SERPINE2: variants seen among roughly 807,000 people sequenced by gnomAD.
The protein encoded by SERPINE2 is serpin family E member 2, also known as glia-derived nexin.
SERPINE2 carries 14 observed loss-of-function variants against 36.3 expected under a neutral mutation model. The ratio of observed to expected loss-of-function variants is 0.39; its 90% confidence interval spans 0.25 to 0.60. The LOEUF (loss-of-function observed/expected upper bound fraction) is 0.60. SERPINE2 is among the 20% of genes least tolerant of loss of function. The pLI is 0.57. For missense variants in SERPINE2, 418 were observed against 499.6 expected (o/e 0.84, Z 1.56); for synonymous variants, 192 against 191.8 (o/e 1.00, Z -0.01).
chr2:224,029,994 T>A, intron 1 of SERPINE2: 1 of 919,094 alleles, frequency 1.1e-6, no homozygotes, highest in African/African-American at 1.8e-5. Context: ...AGCATAGACA[T>A]GTCTGGCCCT....
chr2:224,022,641 T>C (rs182423626), intron 1 of SERPINE2, among the ~76,000 whole-genome samples: 1 of 152,308 alleles, frequency 6.6e-6, no homozygotes, highest in African/African-American at 2.4e-5. Flanking sequence ...CTAAACCTCT[T>C]GTGCTAACTG....
rs577145766 is a variant in SERPINE2 at position 223,995,318 on chromosome 2, G to A, written c.487+2797C>T. ...CCAGACACAAACAGTTGAGCTCCAA[G>A]TCACTTCTGAGCTCTACCATGTGGT... On this transcript the variant is annotated intron_variant, in intron 3 of 8. Transcript: ENST00000409304. Among the ~76,000 whole-genome samples the A allele has an allele frequency of 7.9e-5, 12 of 152,356 alleles. No homozygotes were observed. In the East Asian group the frequency reaches 2.3e-3, roughly 29 times the overall value.
chr2:224,036,089 T>C (rs76898283), intron 1 of SERPINE2, among the ~76,000 whole-genome samples: 2 of 152,200 alleles, frequency 1.3e-5, no homozygotes, highest in Non-Finnish European at 2.9e-5. Context: ...GGTGTTTTTT[T>C]GGCCTAAAGG....
intron 5 of SERPINE2, among the ~76,000 whole-genome samples, chr2:223,984,413 T>C (rs527670104): frequency 6.6e-6 from 1 of 152,318 alleles, no homozygotes; most frequent in East Asian, 1.9e-4. Flanking sequence ...CTTTCATCCA[T>C]ACTATGATGA....
chr2:224,023,767 T>C (rs887320918), intron 1 of SERPINE2, among the ~76,000 whole-genome samples: 12 of 152,238 alleles, frequency 7.9e-5, no homozygotes, highest in African/African-American at 2.4e-4. Flanking sequence ...CTTTGAGATA[T>C]GTTTTGGCAC....
chr2:223,998,593 T>C (rs1234130752), intron 2 of SERPINE2, among the ~76,000 whole-genome samples: 1 of 151,900 alleles, frequency 6.6e-6, no homozygotes, highest in Non-Finnish European at 1.5e-5. Flanking sequence ...GGCACGCCTG[T>C]GATACCAACT....
intron 1 of SERPINE2, among the ~76,000 whole-genome samples, chr2:224,017,414 A>C (rs1192840471): frequency 6.6e-6 from 1 of 152,224 alleles, no homozygotes; most frequent in Non-Finnish European, 1.5e-5. Flanking sequence ...CTGTACTGCA[A>C]ATGTACAATC....
At chr2:224,002,838 A>T (rs1248442366) in intron 1 of SERPINE2, among the ~76,000 whole-genome samples, 1 of 151,790 alleles carries the variant, frequency 6.6e-6, no homozygotes, top group Non-Finnish European at 1.5e-5. Context: ...AATTAAGCCA[A>T]TATTTACTGA....
At chr2:223,981,442 C>T (rs973021) in intron 6 of SERPINE2, 94,560 of 152,098 alleles carry the variant, frequency 0.62, 32,216 homozygotes, top group Non-Finnish European at 0.79. Flanking sequence ...CAAGATTGTG[C>T]ATTTCAAACA....
chr2:223,984,487 G>A (rs1690348177), intron 5 of SERPINE2, among the ~76,000 whole-genome samples: 1 of 152,208 alleles, frequency 6.6e-6, no homozygotes, highest in South Asian at 2.1e-4. Context: ...GCAGTACCAT[G>A]AACTGCTTAT....
At chr2:224,018,969 C>A (rs1004831196) in intron 1 of SERPINE2, among the ~76,000 whole-genome samples, 36 of 152,202 alleles carry the variant, frequency 2.4e-4, no homozygotes, top group Non-Finnish European at 3.2e-4. Flanking sequence ...CTGAGTCAAT[C>A]CCTATGATGA....
chr2:224,011,735 C>G (rs764311368), intron 1 of SERPINE2, among the ~76,000 whole-genome samples: 1 of 152,148 alleles, frequency 6.6e-6, no homozygotes, highest in African/African-American at 2.4e-5. Flanking sequence ...AACAGTAATA[C>G]CCCTTCTATC....
chr2:224,006,162 G>A (rs1206932790), intron 1 of SERPINE2, among the ~76,000 whole-genome samples: 1 of 152,154 alleles, frequency 6.6e-6, no homozygotes, highest in Admixed American at 6.5e-5. Flanking sequence ...ACCCAATGGC[G>A]TCAACCATCT....
chr2:224,009,310 G>A (rs1274005289), intron 1 of SERPINE2, among the ~76,000 whole-genome samples: 1 of 152,116 alleles, frequency 6.6e-6, no homozygotes, highest in African/African-American at 2.4e-5. Context: ...TTAATCTACA[G>A]GGGCTACAGC....
chr2:223,977,435 G>A (rs1368596168), intron 8 of SERPINE2, 109 bp downstream of exon 8: 4 of 742,868 alleles, frequency 5.4e-6, no homozygotes, highest in Non-Finnish European at 9.8e-6. Flanking sequence ...TGCAACTATT[G>A]ACATTAGGGA....
chr2:224,015,068 C>T (rs1001584231), intron 1 of SERPINE2, among the ~76,000 whole-genome samples: 1 of 151,000 alleles, frequency 6.6e-6, no homozygotes, highest in African/African-American at 2.4e-5. Flanking sequence ...AGGGTGGTGC[C>T]GTGGCATCTG....
At chr2:224,003,247 C>T (rs1414028957) in intron 1 of SERPINE2, among the ~76,000 whole-genome samples, 1 of 151,862 alleles carries the variant, frequency 6.6e-6, no homozygotes, top group East Asian at 1.9e-4. Context: ...AAATCAAGGT[C>T]GTAAAGAAGG....
chr2:224,009,411 C>T (rs1324644281), intron 1 of SERPINE2, among the ~76,000 whole-genome samples: 1 of 152,164 alleles, frequency 6.6e-6, no homozygotes, highest in Non-Finnish European at 1.5e-5. Flanking sequence ...AATAAATGTA[C>T]AGGCCGGGCA....
At chr2:224,028,313 T>G (rs1363666943) in intron 1 of SERPINE2, among the ~76,000 whole-genome samples, 1 of 152,214 alleles carries the variant, frequency 6.6e-6, no homozygotes, top group Non-Finnish European at 1.5e-5. Flanking sequence ...GAGGGTAATA[T>G]CCTCATCATT....
Sources: allele counts gnomAD v4.1 joint callset (sites outside exome capture counted in the v4.1 genomes callset), GRCh38; gene constraint gnomAD v4.1.1; transcripts MANE v1.5; gene names NCBI Gene and HGNC (gene_info 2026-07-23, HGNC 2026-07-21).